The following TMEM184A variants were observed in gnomAD, a reference collection of about 807,000 sequenced individuals.
TMEM184A encodes transmembrane protein 184A.
Under a neutral mutation model 39.5 loss-of-function variants are expected in TMEM184A, and 40 were observed. That is an observed-to-expected ratio of 1.01 (90% CI 0.79 to 1.32). TMEM184A has a LOEUF of 1.32. TMEM184A is among the 40% of genes most tolerant of loss of function. TMEM184A has a pLI of 0.00. For missense variants in TMEM184A, 603 were observed against 568.8 expected (o/e 1.06, Z -0.61); for synonymous variants, 280 against 252.3 (o/e 1.11, Z -1.04).
chr7:1,550,770 G>A (rs1349687251), intron 3 of TMEM184A, 47 bp downstream of exon 3: 4 of 1,603,598 alleles, frequency 2.5e-6, no homozygotes, highest in Non-Finnish European at 3.4e-6. Context: ...CAGGCCCCGG[G>A]GAGTCTCTCC....
intron 6 of TMEM184A, chr7:1,549,373 G>GGAC (rs1784490371): frequency 5.1e-6 from 2 of 391,688 alleles, no homozygotes; most frequent in African/African-American, 2.1e-5. Context: ...TCCTCCTTGT[G>GGAC]CTGGGTGGCT....
In TMEM184A at chr7:1,555,576, T is replaced by C; in HGVS notation, c.1-92A>G. The C allele has an allele frequency of 1.0e-6, 1 of 970,708 alleles. No homozygotes were observed. The highest frequency in any genetic ancestry group is 1.6e-6 in the Non-Finnish European group (1 of 622,486). 60.1% of individuals were successfully genotyped at this position (970,708 alleles called of 1,614,324 possible). On this transcript the variant is annotated intron_variant, in intron 1 of 8. Transcript: ENST00000297477. This position sits in a 1 kb window ranked among gnomAD's most constrained non-coding sequence, Gnocchi z 5.2. ...AAGCAGCGGGGGAGGGAGGAGACAG[T>C]GAGACGGGAGCTGAGGCTGAGCCAC... is the stretch of plus-strand genomic sequence containing the variant.
chr7:1,548,753 C>T (rs1409500922), intron 6 of TMEM184A, 65 bp from the exon 7 acceptor site: 6 of 1,566,176 alleles, frequency 3.8e-6, no homozygotes, highest in Non-Finnish European at 5.2e-6. Context: ...CACCCTAGAG[C>T]CACCGCCGCT....
chr7:1,549,589 G>T (rs1784502072), intron 6 of TMEM184A: 3 of 585,718 alleles, frequency 5.1e-6, no homozygotes, highest in Non-Finnish European at 6.6e-6. Flanking sequence ...CCCCGGCCTT[G>T]GCAGGCACCG....
chr7:1,552,400 C>T lies in TMEM184A; in HGVS notation c.220-1418G>A, dbSNP rs537727472. On this transcript the variant is annotated intron_variant, in intron 2 of 8. Coordinates refer to ENST00000297477, the MANE Select transcript of TMEM184A (RefSeq NM_001097620.2). ...AACCCATTAACGTCTCCATTATCTC[C>T]CATACTTAGCATTTCTTTGCGGGGA... Among the ~76,000 whole-genome samples the T allele has an allele frequency of 3.3e-5, 5 of 152,242 alleles. No individual in the cohort carries two copies. In the South Asian group the frequency reaches 1.0e-3, roughly 32 times the overall value.
chr7:1,548,444 G>C (rs1784434841), intron 7 of TMEM184A, 75 bp downstream of exon 7: 1 of 1,499,216 alleles, frequency 6.7e-7, no homozygotes, highest in Non-Finnish European at 9.1e-7. Flanking sequence ...GGGGAAAGGG[G>C]TGTGAGGTGA....
rs974294543 is a variant in TMEM184A, at chr7:1,543,179, C to G, written c.*3773G>C. ...GGGCACTACGTGTAAGTGGCTTTCC[C>G]GGACTGCTGGGCCGTGACCGTGAGG... On this transcript the variant is annotated 3_prime_UTR_variant, in exon 9 of 9. Coordinates refer to ENST00000297477, the MANE Select transcript of TMEM184A (RefSeq NM_001097620.2). The G allele has an allele frequency of 6.6e-6, 1 of 152,416 alleles. No homozygotes were observed. Among genetic ancestry groups the G allele is most frequent in the African/African-American group, 2.4e-5 (1 of 41,440 alleles). 9.4% of individuals were successfully genotyped at this position (152,416 alleles called of 1,614,324 possible). A position where few individuals can be genotyped will look rare whatever the true frequency, so the allele number is the denominator to read the frequency against.
In TMEM184A at chr7:1,548,936, T is replaced by A. The variant is rs544331806; in HGVS notation, c.645-248A>T. 2,353 of 648,482 alleles carry A rather than the reference T, an allele frequency of 3.6e-3. 6 individuals are homozygous for A. Among genetic ancestry groups the A allele is most frequent in the Non-Finnish European group, 5.3e-3 (1,871 of 351,366 alleles). 40.2% of individuals were successfully genotyped at this position (648,482 alleles called of 1,614,324 possible). A position where few individuals can be genotyped will look rare whatever the true frequency, so the allele number is the denominator to read the frequency against. On this transcript the variant is annotated intron_variant, in intron 6 of 8. Coordinates refer to ENST00000297477, the MANE Select transcript of TMEM184A (RefSeq NM_001097620.2). ...TGGCCGTTCTCCCTACCGGCCCTGC[T>A]CCTCCTCGTCCCAGGATCCTGTCCA...
At chr7:1,550,430 C>T (rs1416836826) in intron 3 of TMEM184A, 35 bp from the exon 4 acceptor site, 10 of 1,562,232 alleles carry the variant, frequency 6.4e-6, no homozygotes, top group Non-Finnish European at 8.7e-6. Context: ...GGCTGTGAGC[C>T]CTGAGCTGCA....
chr7:1,547,226 C>T (rs770575151), intron 8 of TMEM184A, 45 bp from the exon 9 acceptor site: 17 of 1,188,752 alleles, frequency 1.4e-5, no homozygotes, highest in South Asian at 2.7e-5. Context: ...CCCTGCACTC[C>T]AGCTCCCCGG....
At position 1,548,690 on chromosome 7, in the gene TMEM184A, T is replaced by G; in HGVS notation, c.645-2A>C. On this transcript the variant is annotated splice_acceptor_variant, in intron 6 of 8. Coordinates refer to ENST00000297477, the MANE Select transcript of TMEM184A (RefSeq NM_001097620.2). LOFTEE classifies it high-confidence loss of function. ...ACATAGAGGTAGCCGCTGCGGACAC[T>G]AGGACAGACGGGGGCTGTGGTCAGG... is the stretch of plus-strand genomic sequence containing the variant. 6.2e-7 allele frequency: 1 copy of G among 1,612,942 alleles called. No individual in the cohort carries two copies. The highest frequency in any genetic ancestry group is 8.5e-7 in the Non-Finnish European group (1 of 1,179,746).
intron 2 of TMEM184A, among the ~76,000 whole-genome samples, chr7:1,553,372 C>G (rs1263527115): frequency 6.6e-6 from 1 of 152,058 alleles, no homozygotes; most frequent in Non-Finnish European, 1.5e-5. Flanking sequence ...AGGCTGGTCT[C>G]AAACTCTTGA....
At chr7:1,549,313 T>C (rs189270569) in intron 6 of TMEM184A, 3 of 416,828 alleles carry the variant, frequency 7.2e-6, no homozygotes, top group African/African-American at 6.1e-5. Context: ...GTGAGCACCT[T>C]GGACCTTCGC....
At chr7:1,548,369 C>G in intron 7 of TMEM184A, 150 bp downstream of exon 7, 3 of 940,822 alleles carry the variant, frequency 3.2e-6, no homozygotes, top group Non-Finnish European at 4.7e-6. Context: ...CTCATGCCCG[C>G]AGGTTCTACC....
chr7:1,553,870 G>A (rs1042505658), intron 2 of TMEM184A, among the ~76,000 whole-genome samples: 6 of 152,152 alleles, frequency 3.9e-5, no homozygotes, highest in Non-Finnish European at 7.4e-5. Flanking sequence ...GACTCTGGCG[G>A]TGGGCTCAGG....
rs1484727613 is a variant in TMEM184A, at chr7:1,555,539, C to A, written c.1-55G>T. The A allele has an allele frequency of 3.5e-6, 5 of 1,425,574 alleles. No individual in the cohort carries two copies. Among genetic ancestry groups the A allele is most frequent in the Non-Finnish European group, 4.9e-6 (5 of 1,023,980 alleles). 88.3% of individuals were successfully genotyped at this position (1,425,574 alleles called of 1,614,324 possible). A position where few individuals can be genotyped will look rare whatever the true frequency, so the allele number is the denominator to read the frequency against. Reference sequence around the variant, plus strand: ...AGGAGTGAGGGCAAAGGTACTGGCTCCCGGCAGCAGGAAGCAGCGGGGGAG... The same window carrying A: ...AGGAGTGAGGGCAAAGGTACTGGCTACCGGCAGCAGGAAGCAGCGGGGGAG... On this transcript the variant is annotated intron_variant, in intron 1 of 8. Transcript: ENST00000297477. The surrounding 1 kb of genome is among the most constrained non-coding windows in gnomAD (Gnocchi z 5.2).
chr7:1,551,045 G>A, intron 2 of TMEM184A, 63 bp from the exon 3 acceptor site: 2 of 1,519,672 alleles, frequency 1.3e-6, no homozygotes, highest in Non-Finnish European at 1.8e-6. Context: ...CAGCCCAGGT[G>A]AGCCGGGAAG....
chr7:1,547,247 T>A, intron 8 of TMEM184A, 66 bp from the exon 9 acceptor site: 4 of 929,504 alleles, frequency 4.3e-6, no homozygotes, highest in Non-Finnish European at 6.5e-6. Flanking sequence ...ACAAGTCCCC[T>A]CCCAGGATGC....
Position 1,547,900 on chromosome 7 carries a change from G to A in TMEM184A, c.854C>T (p.Pro285Leu), listed in dbSNP as rs367980698. ...GTTCCCGCCGCTGGTCTCCACCTCC[G>A]GGATGACCCCGCACCGCTCCAGGAT... The part of the protein sequence containing the change: ...LAILERCGVI[P>L]EVETSGGNKL... The change falls in exon 8 of 9, where the codon CCG (proline) becomes CTG (leucine). Residue 285 changes from proline (P) to leucine (L), a missense_variant. Coordinates refer to ENST00000297477, the MANE Select transcript of TMEM184A (RefSeq NM_001097620.2). 1.8e-4 allele frequency: 288 copies of A among 1,592,340 alleles called. 2 individuals carry two copies. The highest frequency in any genetic ancestry group is 2.3e-4 in the Non-Finnish European group (273 of 1,170,228).
Sources: allele counts gnomAD v4.1 joint callset (sites outside exome capture counted in the v4.1 genomes callset), GRCh38; gene constraint gnomAD v4.1.1; non-coding constraint Gnocchi (gnomAD v3.1); transcripts MANE v1.5; gene names NCBI Gene and HGNC (gene_info 2026-07-23, HGNC 2026-07-21).